Variants in NBEA observed in about 807,000 individuals in gnomAD.
NBEA encodes lysosomal-trafficking regulator 2.
A neutral mutation model predicts 343.4 loss-of-function variants in NBEA; 44 were observed. The ratio of observed to expected loss-of-function variants is 0.13; its 90% CI spans 0.10 to 0.16. The LOEUF (loss-of-function observed/expected upper bound fraction) is 0.16. Among genes scored for constraint, NBEA ranks in the 10% least tolerant of loss-of-function variants. NBEA has a pLI of 1.00. For missense variants in NBEA, 2,555 were observed against 3,631.3 expected (o/e 0.70, Z 7.62); for synonymous variants, 1,175 against 1,238.7 (o/e 0.95, Z 1.08).
chr13:35,447,252 T>C (rs1463770711), intron 39 of NBEA, among the ~76,000 whole-genome samples: 2 of 152,120 alleles, frequency 1.3e-5, no homozygotes, highest in African/African-American at 4.8e-5. Context: ...AACTTATGCT[T>C]ATTTAAAATA....
At chr13:35,242,580 CACAT>C (rs2030494063) in intron 34 of NBEA, among the ~76,000 whole-genome samples, 1 of 151,808 alleles carries the variant, frequency 6.6e-6, no homozygotes, top group African/African-American at 2.4e-5. Context: ...TAAATTCAGA[CACAT>C]ACAGAGACAC....
intron 10 of NBEA, among the ~76,000 whole-genome samples, chr13:35,073,634 G>C (rs2063976802): frequency 6.6e-6 from 1 of 151,958 alleles, no homozygotes; most frequent in Non-Finnish European, 1.5e-5. Context: ...TTATATAGGG[G>C]ATTTAGAATT....
At chr13:35,628,675 T>C (rs1343345864) in intron 49 of NBEA, among the ~76,000 whole-genome samples, 1 of 152,200 alleles carries the variant, frequency 6.6e-6, no homozygotes, top group South Asian at 2.1e-4. Context: ...TCCAGCACTT[T>C]GGGAGGCCAA....
rs770029065 is a variant in NBEA, at chr13:35,550,934, A to C, written c.6708A>C (p.Ser2236=). 104 of 1,596,176 alleles carry C rather than the reference A, an allele frequency of 6.5e-5. No homozygotes were observed. Among genetic ancestry groups the C allele is most frequent in the Non-Finnish European group, 8.9e-5 (104 of 1,165,954 alleles). ...ALEVFMANRT[S]VMFNFPDQAT... is the part of the protein sequence containing the mutation. ...TTTTTTTTCTTCTTACCACAGCCTC[A>C]GTTATGTTTAATTTCCCTGATCAAG... Residue 2236 remains serine (S), a synonymous_variant, in exon 43 of 59, where the codon TCA becomes TCC. Transcript: ENST00000379939.
At chr13:35,004,428 T>C (rs1318986516) in intron 1 of NBEA, among the ~76,000 whole-genome samples, 1 of 152,182 alleles carries the variant, frequency 6.6e-6, no homozygotes, top group Non-Finnish European at 1.5e-5. Flanking sequence ...AATTGCTGAA[T>C]GTTTGAAATA....
chr13:35,241,771 C>T (rs541957856), intron 34 of NBEA, among the ~76,000 whole-genome samples: 36 of 151,808 alleles, frequency 2.4e-4, no homozygotes, highest in Non-Finnish European at 4.9e-4. Flanking sequence ...GAAGTAAACA[C>T]CTAGCTAAGA....
At chr13:35,275,141 A>G (rs2034484219) in intron 34 of NBEA, among the ~76,000 whole-genome samples, 1 of 152,220 alleles carries the variant, frequency 6.6e-6, no homozygotes, top group Non-Finnish European at 1.5e-5. Flanking sequence ...ACAGCATGGT[A>G]CTTGTACCAA....
intron 17 of NBEA, among the ~76,000 whole-genome samples, chr13:35,126,780 T>A (rs151088042): frequency 6.6e-6 from 1 of 151,870 alleles, no homozygotes; most frequent in Non-Finnish European, 1.5e-5. Flanking sequence ...TAGCCGGGCA[T>A]GGTGGCAGGT....
At chr13:34,970,079 C>G (rs2059952268) in intron 1 of NBEA, among the ~76,000 whole-genome samples, 1 of 152,024 alleles carries the variant, frequency 6.6e-6, no homozygotes, top group Admixed American at 6.6e-5. Flanking sequence ...ACTTTTTAGT[C>G]ATAGCCATTC....
intron 34 of NBEA, among the ~76,000 whole-genome samples, chr13:35,275,332 C>T (rs2034502562): frequency 6.6e-6 from 1 of 152,172 alleles, no homozygotes; most frequent in African/African-American, 2.4e-5. Context: ...CCCTTCCTTA[C>T]ACCTTATATC....
At chr13:35,588,457 G>A (rs956363029) in intron 46 of NBEA, among the ~76,000 whole-genome samples, 2 of 152,018 alleles carry the variant, frequency 1.3e-5, no homozygotes, top group Non-Finnish European at 2.9e-5. Flanking sequence ...AGACCTTTTA[G>A]ACCTAGTCAT....
chr13:35,144,036 G>A (rs540692365), intron 18 of NBEA, among the ~76,000 whole-genome samples: 1 of 152,280 alleles, frequency 6.6e-6, no homozygotes, highest in South Asian at 2.1e-4. Flanking sequence ...TTAAATGATG[G>A]GGGAAAAAGT....
At chr13:35,421,211 T>C (rs983481045) in intron 38 of NBEA, among the ~76,000 whole-genome samples, 21 of 152,072 alleles carry the variant, frequency 1.4e-4, no homozygotes, top group African/African-American at 4.8e-4. Context: ...TGTATTCTTT[T>C]GGTTTTCCCT....
At chr13:35,190,128 C>T (rs548893477) in intron 30 of NBEA, among the ~76,000 whole-genome samples, 185 of 152,222 alleles carry the variant, frequency 1.2e-3, no homozygotes, top group African/African-American at 4.2e-3. Flanking sequence ...TCCTGGAAAA[C>T]TCCATTCACA....
chr13:35,198,533 A>G (rs1178626575), intron 31 of NBEA, among the ~76,000 whole-genome samples: 1 of 152,154 alleles, frequency 6.6e-6, no homozygotes, highest in East Asian at 1.9e-4. Flanking sequence ...AATTTATTAT[A>G]CTTTTGAGAA....
In NBEA at chr13:35,593,376, C is replaced by G. The variant is rs757742962; in HGVS notation, c.7225C>G (p.His2409Asp). ...FLNANDGKFD[H>D]PDRTFSSVAR... ...CAATGCAAATGATGGAAAATTTGAT[C>G]ATCCAGATCGAACCTTCTCATCCGT... is the stretch of plus-strand genomic sequence containing the variant. The change falls in exon 47 of 59, where the codon CAT (histidine) becomes GAT (aspartate). Residue 2409 changes from histidine (H) to aspartate (D), a missense_variant. Around this residue, in one of 21 missense-constraint regions of NBEA, gnomAD observed 156 missense variants for 185.8 expected, o/e 0.84. Transcript: ENST00000379939. 1.7e-5 allele frequency: 27 copies of G among 1,612,296 alleles called. No individual in the cohort carries two copies. The highest frequency in any genetic ancestry group is 2.2e-5 in the Non-Finnish European group (26 of 1,178,748).
At chr13:35,094,783 T>A (rs2065250672) in intron 10 of NBEA, among the ~76,000 whole-genome samples, 1 of 151,992 alleles carries the variant, frequency 6.6e-6, no homozygotes, top group Non-Finnish European at 1.5e-5. Flanking sequence ...TGTAATTCAG[T>A]CCTAAATTAG....
intron 1 of NBEA, among the ~76,000 whole-genome samples, chr13:35,006,787 G>C (rs2061332676): frequency 6.6e-6 from 1 of 152,060 alleles, no homozygotes. Context: ...TCACTCTGTT[G>C]CCCAGGCCAG....
intron 54 of NBEA, 122 bp downstream of exon 54, chr13:35,655,132 T>A (rs1157554902): frequency 2.4e-5 from 17 of 722,524 alleles, no homozygotes; most frequent in Non-Finnish European, 3.2e-5. Context: ...TAGTCAAGAT[T>A]CAAATTAAAT....
Sources: allele counts gnomAD v4.1 joint callset (sites outside exome capture counted in the v4.1 genomes callset), GRCh38; gene constraint gnomAD v4.1.1; regional missense constraint gnomAD v4.1.1; transcripts MANE v1.5; gene names NCBI Gene and HGNC (gene_info 2026-07-23, HGNC 2026-07-21).